The following CLIP1 variants were observed in gnomAD, a reference collection of about 807,000 sequenced individuals.
The protein encoded by CLIP1 is CAP-Gly domain containing linker protein 1.
Under a neutral mutation model 161.6 loss-of-function variants are expected in CLIP1, and 66 were observed. The observed-to-expected ratio is 0.41, with a 90% CI of 0.33 to 0.50. The LOEUF is 0.50. Among genes scored for constraint, CLIP1 ranks in the 20% least tolerant of loss-of-function variants. The probability of loss-of-function intolerance (pLI) is 0.27; values close to 1 mark genes in which losing one functional copy is unlikely to be tolerated. For synonymous variants in CLIP1, 598 were observed against 626.2 expected, an observed-to-expected ratio of 0.96 and a Z score of 0.67; for missense variants, 1,376 against 1,702.0, an observed-to-expected ratio of 0.81 and a Z score of 3.37.
At chr12:122,420,909 G>A (rs926011780) in intron 1 of CLIP1, among the ~76,000 whole-genome samples, 13 of 151,738 alleles carry the variant, frequency 8.6e-5, no homozygotes, top group African/African-American at 2.7e-4. Context: ...CACTCTGGCC[G>A]GGGGGACAGA....
chr12:122,286,259 C>A (rs1435626251), intron 21 of CLIP1, among the ~76,000 whole-genome samples: 1 of 152,046 alleles, frequency 6.6e-6, no homozygotes, highest in Non-Finnish European at 1.5e-5. Context: ...TGGCTCACGA[C>A]TGTAATCCCA....
chr12:122,299,537 AT>A (rs57480236), intron 20 of CLIP1, among the ~76,000 whole-genome samples: 14,137 of 146,260 alleles, frequency 0.097, 2,301 homozygotes, highest in African/African-American at 0.34. Flanking sequence ...TGCAGATATA[AT>A]TTTTTTAAAT....
chr12:122,361,947 T>C (rs1416572287), intron 4 of CLIP1, among the ~76,000 whole-genome samples: 2 of 151,994 alleles, frequency 1.3e-5, no homozygotes, highest in African/African-American at 4.8e-5. Context: ...TTGAAATAAG[T>C]AAAATGTATA....
chr12:122,355,669 A>G lies in CLIP1; in HGVS notation c.1006-357T>C, dbSNP rs56229172. On this transcript the variant is annotated intron_variant, in intron 5 of 25. Transcript: ENST00000620786. This position sits in a 1 kb window ranked among gnomAD's most constrained non-coding sequence, Gnocchi z 4.1. The stretch of plus-strand genomic sequence containing the variant: ...AAAATACAAAAATTAGCTGGAGTGC[A>G]GTGGTGCGATCTCAGCTGACTGCAA... The G allele has an allele frequency of 0.04, 8,891 of 219,906 alleles. 534 individuals are homozygous for G. Among genetic ancestry groups the G allele is most frequent in the African/African-American group, 0.16 (6,675 of 42,894 alleles). The allele number at this position is 219,906 out of a possible 1,614,324, so 13.6% of individuals were successfully genotyped here. A position where few individuals can be genotyped will look rare whatever the true frequency, so the allele number is the denominator to read the frequency against.
intron 1 of CLIP1, among the ~76,000 whole-genome samples, chr12:122,405,244 G>T (rs1056137049): frequency 6.6e-6 from 1 of 151,854 alleles, no homozygotes; most frequent in African/African-American, 2.4e-5. Context: ...TCCTGTTGCC[G>T]TCATTGCCTA....
chr12:122,361,039 G>A lies in CLIP1; in HGVS notation c.925C>T (p.Arg309Cys), dbSNP rs749904054. Residue 309 changes from arginine (R) to cysteine (C), a missense_variant, in exon 5 of 26, where the codon CGC (arginine) becomes TGC (cysteine). Arg to Cys is a radical substitution (Grantham distance 180, BLOSUM62 -3). Transcript: ENST00000620786. ...CTGAGGGAAGAGGCAGAAGGGCTGC[G>A]CTTCAGGCTGGCGGACGTGGTCGCC... ...VMATTSASLK[R>C]SPSASSLSSM... 2 of 1,614,096 alleles carry A rather than the reference G, an allele frequency of 1.2e-6. No homozygotes were observed. The highest frequency in any genetic ancestry group is 1.3e-5 in the African/African-American group (1 of 74,946).
intron 1 of CLIP1, among the ~76,000 whole-genome samples, chr12:122,413,460 G>A (rs1020376140): frequency 3.3e-5 from 5 of 152,062 alleles, no homozygotes; most frequent in African/African-American, 7.2e-5. Context: ...TCAAGGACTC[G>A]GCAATTTTAA....
chr12:122,333,956 A>T, intron 14 of CLIP1, 71 bp downstream of exon 14: 1 of 899,834 alleles, frequency 1.1e-6, no homozygotes, highest in South Asian at 1.4e-5. Context: ...GTTATGTAAC[A>T]TACTACAACT....
chr12:122,368,458 C>A (rs935544895), intron 3 of CLIP1, among the ~76,000 whole-genome samples: 1 of 152,000 alleles, frequency 6.6e-6, no homozygotes, highest in Non-Finnish European at 1.5e-5. Flanking sequence ...AGAAACAATC[C>A]TCTCTGGACT....
intron 17 of CLIP1, chr12:122,322,668 C>T (rs570366974): frequency 1.3e-5 from 2 of 152,712 alleles, no homozygotes; most frequent in Admixed American, 6.5e-5. Context: ...TCCAGGAGCA[C>T]CATCCTCCCG....
chr12:122,296,625 A>G (rs1010549393), intron 20 of CLIP1, among the ~76,000 whole-genome samples: 2 of 152,124 alleles, frequency 1.3e-5, no homozygotes, highest in Admixed American at 1.3e-4. Context: ...AATTTAAAAT[A>G]AATAATTCTT....
intron 9 of CLIP1, among the ~76,000 whole-genome samples, chr12:122,348,099 A>G (rs1479772683): frequency 6.6e-6 from 1 of 152,142 alleles, no homozygotes; most frequent in African/African-American, 2.4e-5. Flanking sequence ...CTAAGAAATC[A>G]TGCTAGCAGC....
At chr12:122,356,299 T>A (rs1351404713) in intron 5 of CLIP1, 2 of 152,146 alleles carry the variant, frequency 1.3e-5, no homozygotes, top group Non-Finnish European at 2.9e-5. Flanking sequence ...CTGTAGGATG[T>A]TTTAAAATTT....
At chr12:122,328,221 C>T (rs1216780511) in intron 16 of CLIP1, 40 bp downstream of exon 16, 1 of 1,613,260 alleles carries the variant, frequency 6.2e-7, no homozygotes, top group Admixed American at 1.7e-5. Context: ...TATCCCTTGC[C>T]TTCCTTGCCA....
At chr12:122,330,662 C>T (rs969730988) in intron 15 of CLIP1, among the ~76,000 whole-genome samples, 4 of 127,312 alleles carry the variant, frequency 3.1e-5, no homozygotes, top group African/African-American at 1.2e-4. Flanking sequence ...TGCAATGGTG[C>T]GATCTGAGCT....
chr12:122,334,379 A>C (rs1221326891), intron 13 of CLIP1, among the ~76,000 whole-genome samples: 3 of 152,202 alleles, frequency 2.0e-5, no homozygotes, highest in Non-Finnish European at 4.4e-5. Flanking sequence ...AAACTCAATA[A>C]AGCTATCAAT....
At position 122,340,738 on chromosome 12, in the gene CLIP1, G is replaced by A. The variant is rs747888212; in HGVS notation, c.2451+15C>T. 4.6e-6 allele frequency: 7 copies of A among 1,514,294 alleles called. No individual in the cohort carries two copies. In the Admixed American group the frequency reaches 1.1e-4, roughly 23 times the overall value. 93.8% of individuals were successfully genotyped at this position (1,514,294 alleles called of 1,614,324 possible). ...ACAAATGGAAAAGAAAAGAATGGAG[G>A]ATGTCAATACAAACCTTGCTACTTT... On this transcript the variant is annotated intron_variant, in intron 11 of 25. Coordinates refer to ENST00000620786, the MANE Select transcript of CLIP1 (RefSeq NM_001247997.2).
Position 122,407,499 on chromosome 12 carries a change from A to T in CLIP1, c.-107+15022T>A, listed in dbSNP as rs528572471. Among the ~76,000 whole-genome samples, 15 of 151,824 alleles carry T rather than the reference A, an allele frequency of 9.9e-5. No individual in the cohort carries two copies. In the South Asian group the frequency reaches 1.5e-3, roughly 15 times the overall value. ...TGAGGCAGGAAGATCACTTGAGCCC[A>T]GGAGTTCAAAACCAGCCTGGGCAAC... On this transcript the variant is annotated intron_variant, in intron 1 of 25. Coordinates refer to ENST00000620786, the MANE Select transcript of CLIP1 (RefSeq NM_001247997.2).
chr12:122,289,228 C>G (rs1955995243), intron 20 of CLIP1, among the ~76,000 whole-genome samples: 1 of 151,920 alleles, frequency 6.6e-6, no homozygotes, highest in Admixed American at 6.6e-5. Context: ...TCGAGCCCAG[C>G]CTGGCCAACA....
Sources: gnomAD v4.1 joint callset for allele counts (sites outside exome capture counted in the v4.1 genomes callset) on GRCh38, gnomAD v4.1.1 for gene constraint, Gnocchi (gnomAD v3.1) non-coding constraint, MANE v1.5 for transcripts, NCBI Gene and HGNC (gene_info 2026-07-23, HGNC 2026-07-21) for gene names.